Variants in OPCML observed in about 807,000 individuals in gnomAD.
OPCML encodes opioid binding protein/cell adhesion molecule like.
Under a neutral mutation model 37.8 loss-of-function variants are expected in OPCML, and 13 were observed. That is an observed-to-expected ratio of 0.34 (90% CI 0.22 to 0.55). OPCML has a LOEUF of 0.55. Ranked by LOEUF, OPCML falls within the 20% of genes least tolerant of loss-of-function variation. The pLI is 0.91. For missense variants in OPCML, 341 were observed against 435.6 expected, an observed-to-expected ratio of 0.78 and a Z score of 1.93; for synonymous variants, 176 against 168.8, an observed-to-expected ratio of 1.04 and a Z score of -0.33.
At chr11:132,649,959 C>T (rs1013240639) in intron 3 of OPCML, among the ~76,000 whole-genome samples, 2 of 151,452 alleles carry the variant, frequency 1.3e-5, no homozygotes, top group Non-Finnish European at 2.9e-5. Context: ...ACACAGTTTT[C>T]ATGTCTGTTT....
At position 133,211,934 on chromosome 11, in the gene OPCML, A is replaced by G. The variant is rs1939377682; in HGVS notation, c.62-268924T>C. ...CTAAGACCTGCAGTACAAATACCAT[A>G]AGTTAGTGTATATACTCAAACAAAG... On this transcript the variant is annotated intron_variant, in intron 1 of 7. Transcript: ENST00000524381. This position sits in a 1 kb window ranked among gnomAD's most constrained non-coding sequence, Gnocchi z 4.1. 6.6e-6 allele frequency among the ~76,000 whole-genome samples: 1 copy of G among 152,196 alleles called. No individual in the cohort carries two copies. The highest frequency in any genetic ancestry group is 1.5e-5 in the Non-Finnish European group (1 of 68,028).
At chr11:132,884,584 T>C (rs1414236238) in intron 2 of OPCML, among the ~76,000 whole-genome samples, 1 of 152,246 alleles carries the variant, frequency 6.6e-6, no homozygotes, top group Non-Finnish European at 1.5e-5. Flanking sequence ...TAGTCTGCTA[T>C]AGTTTAAAGA....
At chr11:133,420,836 C>T in intron 1 of OPCML, 1 of 985,368 alleles carries the variant, frequency 1.0e-6, no homozygotes, top group Non-Finnish European at 1.2e-6. Flanking sequence ...AGATTTCATG[C>T]CAAAATATTA....
intron 3 of OPCML, among the ~76,000 whole-genome samples, chr11:132,567,270 C>T (rs914150576): frequency 9.2e-5 from 14 of 152,178 alleles, no homozygotes; most frequent in African/African-American, 1.7e-4. Context: ...TGAGTTGCCA[C>T]GCTCATCATT....
At chr11:132,674,067 T>A (rs1942594453) in intron 2 of OPCML, among the ~76,000 whole-genome samples, 1 of 152,178 alleles carries the variant, frequency 6.6e-6, no homozygotes, top group African/African-American at 2.4e-5. Context: ...AGTGTTTAGA[T>A]AAAGCAGACA....
At chr11:132,731,384 A>G (rs1457197238) in intron 2 of OPCML, among the ~76,000 whole-genome samples, 1 of 152,208 alleles carries the variant, frequency 6.6e-6, no homozygotes, top group Non-Finnish European at 1.5e-5. Context: ...ATCCAAGTCA[A>G]CCTTAGTCTA....
At chr11:133,050,433 A>G (rs1948108518) in intron 1 of OPCML, among the ~76,000 whole-genome samples, 1 of 152,196 alleles carries the variant, frequency 6.6e-6, no homozygotes, top group East Asian at 1.9e-4. Context: ...ATGGTTAAAG[A>G]AAAGTTGACC....
chr11:132,658,149 C>T (rs1396593494), intron 2 of OPCML, among the ~76,000 whole-genome samples: 2 of 152,174 alleles, frequency 1.3e-5, no homozygotes, highest in Admixed American at 1.3e-4. Context: ...CGCATGTGCC[C>T]AGGAACTGAG....
chr11:133,005,147 C>T (rs1216432323), intron 1 of OPCML: 1 of 985,272 alleles, frequency 1.0e-6, no homozygotes, highest in Non-Finnish European at 1.2e-6. Flanking sequence ...CTGCCTGCTC[C>T]TGCACCACTG....
At chr11:133,111,488 G>A (rs375680782) in intron 1 of OPCML, among the ~76,000 whole-genome samples, 2 of 152,128 alleles carry the variant, frequency 1.3e-5, no homozygotes, top group African/African-American at 4.8e-5. Flanking sequence ...TAGTTAGTAC[G>A]AGTCTTTCTC....
At chr11:133,056,566 C>T (rs1325825608) in intron 1 of OPCML, among the ~76,000 whole-genome samples, 1 of 152,186 alleles carries the variant, frequency 6.6e-6, no homozygotes, top group African/African-American at 2.4e-5. Context: ...GGAAGAAAGT[C>T]TATTTTTACA....
intron 1 of OPCML, among the ~76,000 whole-genome samples, chr11:133,186,770 T>C (rs2136294735): frequency 6.6e-6 from 1 of 152,310 alleles, no homozygotes; most frequent in South Asian, 2.1e-4. Context: ...CAAGCACTAA[T>C]CAATAGCATA....
chr11:132,859,511 G>A (rs539486874), intron 2 of OPCML: 6 of 152,308 alleles, frequency 3.9e-5, no homozygotes, highest in South Asian at 2.1e-4. Context: ...GAGGAAACTC[G>A]TGTGGACTTC....
chr11:132,722,112 T>A (rs778516130), intron 2 of OPCML, among the ~76,000 whole-genome samples: 1 of 151,708 alleles, frequency 6.6e-6, no homozygotes, highest in African/African-American at 2.4e-5. Flanking sequence ...CCCACCATCA[T>A]GCCTGGCTAA....
At chr11:133,270,025 C>A (rs537572768) in intron 1 of OPCML, among the ~76,000 whole-genome samples, 5 of 152,190 alleles carry the variant, frequency 3.3e-5, no homozygotes, top group Non-Finnish European at 7.3e-5. Context: ...GGAGCTCCTG[C>A]ATGCCGACAT....
chr11:132,734,042 G>T (rs1945171611), intron 2 of OPCML, among the ~76,000 whole-genome samples: 1 of 151,908 alleles, frequency 6.6e-6, no homozygotes, highest in Admixed American at 6.6e-5. Context: ...GTGTACGATG[G>T]GATAATAACA....
At chr11:133,483,702 AG>A (rs1947440465) in intron 1 of OPCML, among the ~76,000 whole-genome samples, 2 of 148,270 alleles carry the variant, frequency 1.3e-5, no homozygotes, top group African/African-American at 2.6e-5. Context: ...ATAGATAGAT[AG>A]ATAGATAGAT....
chr11:133,428,516 A>C (rs1208611470), intron 1 of OPCML, among the ~76,000 whole-genome samples: 1 of 152,264 alleles, frequency 6.6e-6, no homozygotes, highest in Non-Finnish European at 1.5e-5. Context: ...AATTTGAAAA[A>C]ATAACTATTT....
intron 1 of OPCML, among the ~76,000 whole-genome samples, chr11:133,160,523 A>T (rs1001426044): frequency 1.3e-5 from 2 of 152,216 alleles, no homozygotes; most frequent in African/African-American, 4.8e-5. Context: ...GACTTGTCTC[A>T]TCAATGTTTC....
Sources: allele counts gnomAD v4.1 joint callset (sites outside exome capture counted in the v4.1 genomes callset), GRCh38; gene constraint gnomAD v4.1.1; non-coding constraint Gnocchi (gnomAD v3.1); transcripts MANE v1.5; gene names NCBI Gene and HGNC (gene_info 2026-07-23, HGNC 2026-07-21).